Variants in RGPD1 observed in about 807,000 individuals in gnomAD.
RGPD1 encodes the protein RANBP2-like and GRIP domain-containing protein 1.
Under a neutral mutation model 40.6 loss-of-function variants are expected in RGPD1, and 7 were observed. The ratio of observed to expected loss-of-function variants is 0.17; its 90% CI spans 0.10 to 0.32. The LOEUF (loss-of-function observed/expected upper bound fraction) is 0.32. Among genes scored for constraint, RGPD1 ranks in the 10% least tolerant of loss-of-function variants. The pLI, the probability that RGPD1 is intolerant of heterozygous loss-of-function variation, is 1.00. For missense variants in RGPD1, 50 were observed against 472.5 expected (o/e 0.11, Z 8.29); for synonymous variants, 24 against 167.0 (o/e 0.14, Z 6.60).
chr2:86,926,804 G>T (rs909569420), intron 1 of RGPD1, among the ~76,000 whole-genome samples: 4 of 152,078 alleles, frequency 2.6e-5, no homozygotes, highest in African/African-American at 9.7e-5. Context: ...ATACAACCTA[G>T]ATAAGAACCC....
intron 6 of RGPD1, among the ~76,000 whole-genome samples, chr2:86,960,431 T>A (rs1413731523): frequency 5.5e-5 from 4 of 72,832 alleles, no homozygotes; most frequent in African/African-American, 3.9e-4. Context: ...GTCACCCTGT[T>A]AGCCAGGATG....
intron 1 of RGPD1, among the ~76,000 whole-genome samples, chr2:86,931,585 A>G (rs1678966584): frequency 6.6e-6 from 1 of 152,022 alleles, no homozygotes; most frequent in Non-Finnish European, 1.5e-5. Context: ...TCTATTATAA[A>G]TGATTTTATA....
intron 1 of RGPD1, among the ~76,000 whole-genome samples, chr2:86,931,588 A>C: frequency 6.6e-6 from 1 of 152,098 alleles, no homozygotes; most frequent in African/African-American, 2.4e-5. Flanking sequence ...ATTATAAATG[A>C]TTTTATATTT....
At chr2:86,944,170 G>A (rs1371379727) in intron 1 of RGPD1, among the ~76,000 whole-genome samples, 1 of 152,170 alleles carries the variant, frequency 6.6e-6, no homozygotes, top group African/African-American at 2.4e-5. Flanking sequence ...TAAGATACTT[G>A]TTCAGGGTGA....
chr2:86,924,795 T>G (rs1678347808), intron 1 of RGPD1, among the ~76,000 whole-genome samples: 1 of 151,804 alleles, frequency 6.6e-6, no homozygotes, highest in East Asian at 1.9e-4. Context: ...TCTTTTAAAT[T>G]AAAATTCACA....
rs780329287 is a variant in RGPD1, at chr2:86,942,370, C to T, written c.72+62C>T. On this transcript the variant is annotated intron_variant, in intron 1 of 22. Coordinates refer to ENST00000641458, the MANE Select transcript of RGPD1 (RefSeq NM_001382344.1). The stretch of plus-strand genomic sequence containing the variant: ...GGCCGGGCGGCGGCCTCGACCTGGC[C>T]GGGCGGCGGCCTCGACCTGGCCGGG... The T allele has an allele frequency of 1.9e-4, 206 of 1,060,330 alleles. 1 individual carries two copies. The highest frequency in any genetic ancestry group is 8.5e-4 in the African/African-American group (30 of 35,254). The allele number at this position is 1,060,330 out of a possible 1,614,324, so 65.7% of individuals were successfully genotyped here.
Position 86,918,695 on chromosome 2 carries a change from G to A in RGPD1, c.72+4774G>A, listed in dbSNP as rs904550768. The stretch of plus-strand genomic sequence containing the variant: ...AGGATGGTCTCGATCTCCTGACCTC[G>A]TGATCTGCCCGTCTCAGCCTCCCAA... On this transcript the variant is annotated intron_variant, in intron 1 of 22. Transcript: ENST00000398193. Among the ~76,000 whole-genome samples the A allele has an allele frequency of 2.1e-5, 3 of 145,786 alleles. No homozygotes were observed. The East Asian group carries it at 5.9e-4, about 29-fold the overall frequency.
chr2:86,944,340 T>C (rs1460604343), intron 1 of RGPD1, among the ~76,000 whole-genome samples: 2 of 152,116 alleles, frequency 1.3e-5, no homozygotes, highest in Non-Finnish European at 2.9e-5. Context: ...AATGTGATGA[T>C]AGAGTCTAAA....
intron 1 of RGPD1, among the ~76,000 whole-genome samples, chr2:86,929,657 G>A (rs28558585): frequency 0.39 from 33,219 of 84,598 alleles, 9,793 homozygotes; most frequent in African/African-American, 0.75. Flanking sequence ...GTCAGTAGGA[G>A]CTCAAAGTAA....
At chr2:86,945,327 A>T (rs1194272044) in intron 1 of RGPD1, among the ~76,000 whole-genome samples, 1 of 152,108 alleles carries the variant, frequency 6.6e-6, no homozygotes, top group Non-Finnish European at 1.5e-5. Flanking sequence ...ACTTTGGAAC[A>T]TGTGAAGCTA....
rs935991786 is a variant in RGPD1, at chr2:86,930,663, A to C, written c.72+16742A>C. 19 of 1,610,710 alleles carry C rather than the reference A, an allele frequency of 1.2e-5. No homozygotes were observed. The African/African-American group carries it at 2.4e-4, about 21-fold the overall frequency. ...CTCACAGAGGTAGGGCTGGTTGTTC[A>C]CTCCTGGGCACAGCTCTCGAAGCTG... On this transcript the variant is annotated intron_variant, in intron 1 of 22. Transcript: ENST00000398193.
rs185980698 is a variant in RGPD1 at position 86,943,663 on chromosome 2, C to T, written c.72+1355C>T. ...TCCATTTTAAACATTTAGGGTATTG[C>T]TTGACACATAGCACTAAGTGTTAGC... On this transcript the variant is annotated intron_variant, in intron 1 of 22. Coordinates refer to ENST00000641458, the MANE Select transcript of RGPD1 (RefSeq NM_001382344.1). Among the ~76,000 whole-genome samples, 447 of 152,250 alleles carry T rather than the reference C, an allele frequency of 2.9e-3. 4 individuals carry two copies. The highest frequency in any genetic ancestry group is 0.01 in the African/African-American group (424 of 41,522).
intron 1 of RGPD1, 136 bp downstream of exon 1, chr2:86,942,444 C>T: frequency 2.5e-6 from 2 of 797,910 alleles, no homozygotes; most frequent in African/African-American, 1.9e-5. Context: ...GGCGCTGCTC[C>T]CTGGCGCGCT....
In RGPD1 at chr2:86,920,301, C is replaced by G. The variant is rs1238343532; in HGVS notation, c.72+6380C>G. Among the ~76,000 whole-genome samples the G allele has an allele frequency of 2.0e-5, 3 of 151,402 alleles. No individual in the cohort carries two copies. In the Admixed American group the frequency reaches 2.0e-4, roughly 10 times the overall value. On this transcript the variant is annotated intron_variant, in intron 1 of 22. Coordinates refer to the RGPD1 transcript ENST00000398193. ...GCTATGCTGGTTTCAAACTCCTGAG[C>G]TCAAGTGATCCTCCCACCTTGGCCT... is the stretch of plus-strand genomic sequence containing the variant.
rs984063536 is a variant in RGPD1, at chr2:86,985,449, TATCATC to T, written c.2677-112_2677-107del. On this transcript the variant is annotated intron_variant, in intron 19 of 22. Coordinates refer to ENST00000641458, the MANE Select transcript of RGPD1 (RefSeq NM_001382344.1). ...ACATTAATAAATGCTCAATAAATGT[TATCATC>T]ATCATCATCATCATTATTGTTAACA... 3.9e-4 allele frequency: 223 copies of T among 578,992 alleles called. 66 individuals carry two copies. Among genetic ancestry groups the T allele is most frequent in the Non-Finnish European group, 4.6e-4 (206 of 446,582 alleles). 35.9% of individuals were successfully genotyped at this position (578,992 alleles called of 1,614,324 possible).
chr2:86,942,293 C>A lies in RGPD1; in HGVS notation c.57C>A (p.Ala19=), dbSNP rs1427266085. The part of the protein sequence containing the change: ...ERYVASVQGS[A]PSPGKKLRGF... ...ACGTCGCCTCGGTGCAGGGCTCCGC[C>A]CCGTCGCCTGGAAAGGTGAGTGGAT... Residue 19 remains alanine, a synonymous_variant, in exon 1 of 23, where the codon GCC becomes GCA. Transcript: ENST00000641458. 6.2e-7 allele frequency: 1 copy of A among 1,601,488 alleles called. No homozygotes were observed. The highest frequency in any genetic ancestry group is 8.5e-7 in the Non-Finnish European group (1 of 1,175,534).
intron 1 of RGPD1, among the ~76,000 whole-genome samples, chr2:86,916,252 G>A (rs1243353952): frequency 6.6e-6 from 1 of 152,278 alleles, no homozygotes; most frequent in Non-Finnish European, 1.5e-5. Context: ...AAAAAAGAAT[G>A]GTGTAAATTA....
chr2:86,923,547 C>A (rs1306779689), intron 1 of RGPD1, among the ~76,000 whole-genome samples: 1 of 150,660 alleles, frequency 6.6e-6, no homozygotes, highest in Admixed American at 6.6e-5. Context: ...GGAGTCTCGC[C>A]TTATCGCCTA....
intron 1 of RGPD1, among the ~76,000 whole-genome samples, chr2:86,914,157 G>GCCT (rs1553442107): frequency 9.3e-5 from 8 of 85,602 alleles, no homozygotes; most frequent in Non-Finnish European, 1.4e-4. Context: ...GGCGGCGGCG[G>GCCT]CGGCCTCGGC....
Sources: allele counts gnomAD v4.1 joint callset (sites outside exome capture counted in the v4.1 genomes callset), GRCh38; gene constraint gnomAD v4.1.1; transcripts MANE v1.5; gene names NCBI Gene and HGNC (gene_info 2026-07-23, HGNC 2026-07-21).